The following MUS81 variants were observed in gnomAD, a reference collection of about 807,000 sequenced individuals.
MUS81 encodes the protein MUS81 structure-specific endonuclease subunit.
Under a neutral mutation model 74.2 loss-of-function variants are expected in MUS81, and 69 were observed. The observed-to-expected ratio is 0.93, with a 90% CI of 0.77 to 1.14. The LOEUF is 1.14. Ranked by LOEUF, MUS81 falls within the 50% of genes most tolerant of loss-of-function variation. The pLI, the probability that MUS81 is intolerant of heterozygous loss-of-function variation, is 0.00. For missense variants in MUS81, 711 were observed against 726.5 expected, an observed-to-expected ratio of 0.98 and a Z score of 0.25; for synonymous variants, 303 against 300.6, an observed-to-expected ratio of 1.01 and a Z score of -0.08.
chr11:65,865,539 T>C, intron 14 of MUS81: 2 of 630,034 alleles, frequency 3.2e-6, no homozygotes, highest in South Asian at 2.0e-5. Flanking sequence ...GAGGGAGACG[T>C]CCCACCTGGT....
Position 65,862,736 on chromosome 11 carries a change from G to A in MUS81, c.605+207G>A, listed in dbSNP as rs1859659322. On this transcript the variant is annotated intron_variant, in intron 6 of 15. Transcript: ENST00000308110. ...GCGGTGGTTATTGGAGGAGGAGAAAGCCTTTTCAGAGGAGATAGCATTTGA... is the reference window on the plus strand; with the variant it reads ...GCGGTGGTTATTGGAGGAGGAGAAAACCTTTTCAGAGGAGATAGCATTTGA... 2.6e-5 allele frequency among the ~76,000 whole-genome samples: 4 copies of A among 152,210 alleles called. No individual in the cohort carries two copies. In the South Asian group the frequency reaches 8.3e-4, roughly 32 times the overall value.
Position 65,861,659 on chromosome 11 carries a change from A to C in MUS81, c.351+224A>C, listed in dbSNP as rs182403383. On this transcript the variant is annotated intron_variant, in intron 3 of 15. Transcript: ENST00000308110. Reference sequence around the variant, plus strand: ...TCAAGCTACTTAAGGATCCCAGCTCAGTTAGTTACGGGGTCACCATTATTG... The same window carrying C: ...TCAAGCTACTTAAGGATCCCAGCTCCGTTAGTTACGGGGTCACCATTATTG... 1,728 of 603,756 alleles carry C rather than the reference A, an allele frequency of 2.9e-3. 4 individuals are homozygous for C. The highest frequency in any genetic ancestry group is 4.3e-3 in the Non-Finnish European group (1,479 of 341,086). The allele number at this position is 603,756 out of a possible 1,614,324, so 37.4% of individuals were successfully genotyped here.
chr11:65,865,350 C>T, intron 14 of MUS81, 27 bp downstream of exon 14: 4 of 1,596,956 alleles, frequency 2.5e-6, no homozygotes, highest in African/African-American at 1.3e-5. Context: ...CCTTAGGTGT[C>T]CTCAGCCCCT....
chr11:65,864,972 T>C (rs773422492), intron 12 of MUS81, 45 bp from the exon 13 acceptor site: 62 of 1,607,640 alleles, frequency 3.9e-5, no homozygotes, highest in Non-Finnish European at 4.8e-5. Context: ...TGGCTGGAGT[T>C]GTTCCTTCGA....
chr11:65,864,333 A>G, intron 10 of MUS81, 164 bp from the exon 11 acceptor site: 1 of 649,142 alleles, frequency 1.5e-6, no homozygotes, highest in Non-Finnish European at 2.8e-6. Flanking sequence ...CAGCATGAGC[A>G]AAGCTGCGGA....
chr11:65,859,944 C>T (rs910203842), upstream of MUS81: 5 of 211,326 alleles, frequency 2.4e-5, no homozygotes, highest in Non-Finnish European at 4.1e-5. Flanking sequence ...GTGCCCATCT[C>T]AGGCCTCCCC....
downstream of MUS81, chr11:65,867,388 G>A: frequency 6.0e-6 from 3 of 504,096 alleles, no homozygotes; most frequent in South Asian, 4.3e-5. Flanking sequence ...GTGACCCAAA[G>A]TGAGCAGACT....
chr11:65,865,669 TG>T, intron 14 of MUS81, 141 bp from the exon 15 acceptor site: 1 of 864,800 alleles, frequency 1.2e-6, no homozygotes, highest in Non-Finnish European at 1.8e-6. Context: ...CCGGCTGGCA[TG>T]GGGCCTTGAG....
chr11:65,860,646 C>G lies in MUS81; in HGVS notation c.-108C>G, dbSNP rs1226582080. On this transcript the variant is annotated 5_prime_UTR_variant, in exon 1 of 16. Coordinates refer to ENST00000308110, the MANE Select transcript of MUS81 (RefSeq NM_025128.5). ...ATCTCAACGGTCCTGCCCTCGGTCT[C>G]CCTCTTCCCCCGCCCCGCCCTGGGC... is the stretch of plus-strand genomic sequence containing the variant. 6.8e-7 allele frequency: 1 copy of G among 1,475,224 alleles called. No homozygotes were observed. Among genetic ancestry groups the G allele is most frequent in the South Asian group, 1.2e-5 (1 of 82,112 alleles). The allele number at this position is 1,475,224 out of a possible 1,614,324, so 91.4% of individuals were successfully genotyped here.
rs371319164 is a variant in MUS81, at chr11:65,863,075, A to G, written c.616A>G (p.Thr206Ala). ...RTHQPARYSL[T>A]PEGLELAQKL... ...CCCTCTGCCTCCCAGGTACTCATTG[A>G]CCCCAGAGGGCCTGGAGCTGGCCCA... The change falls in exon 7 of 16, where the codon ACC (threonine) becomes GCC (alanine). Residue 206 changes from threonine (T) to alanine (A), a missense_variant. By Grantham distance (58) the Thr-to-Ala change is moderately conservative (BLOSUM62 0). Transcript: ENST00000308110. 79 of 1,613,838 alleles carry G rather than the reference A, an allele frequency of 4.9e-5. No homozygotes were observed. The highest frequency in any genetic ancestry group is 6.2e-5 in the Non-Finnish European group (73 of 1,179,988).
rs1015526851 is a variant in MUS81 at position 65,864,182 on chromosome 11, A to G, written c.1059+281A>G. 8.5e-6 allele frequency: 5 copies of G among 585,628 alleles called. No homozygotes were observed. In the Admixed American group the frequency reaches 1.2e-4, roughly 14 times the overall value. 36.3% of individuals were successfully genotyped at this position (585,628 alleles called of 1,614,324 possible). On this transcript the variant is annotated intron_variant, in intron 10 of 15. Transcript: ENST00000308110. ...TTGGATAAACAAGGCATAAACCTCC[A>G]GGAGTGGAAATACAGAGGCTGTACC... is the stretch of plus-strand genomic sequence containing the variant.
Position 65,863,060 on chromosome 11 carries a change from C to T in MUS81, c.606-5C>T, listed in dbSNP as rs1859672877. ...TAGAGCTGTGTTGTCCCCTCTGCCT[C>T]CCAGGTACTCATTGACCCCAGAGGG... On this transcript the variant is annotated splice_region_variant and splice_polypyrimidine_tract_variant and intron_variant, in intron 6 of 15. Transcript: ENST00000308110. 1 of 1,614,036 alleles carries T rather than the reference C, an allele frequency of 6.2e-7. No individual in the cohort carries two copies. The highest frequency in any genetic ancestry group is 1.1e-5 in the South Asian group (1 of 91,088).
At chr11:65,865,382 C>G (rs1172066257) in intron 14 of MUS81, 59 bp downstream of exon 14, 6 of 1,511,102 alleles carry the variant, frequency 4.0e-6, no homozygotes, top group South Asian at 2.4e-5. Flanking sequence ...ATGGAATTCA[C>G]CTTAATCCAT....
chr11:65,865,171 A>T (rs376160530), intron 13 of MUS81, 26 bp downstream of exon 13: 53 of 1,614,070 alleles, frequency 3.3e-5, no homozygotes, highest in Non-Finnish European at 2.8e-5. Flanking sequence ...AGCTTCTCAG[A>T]CATGGCCTGG....
chr11:65,863,085 G>T lies in MUS81; in HGVS notation c.626G>T (p.Gly209Val). The T allele has an allele frequency of 3.7e-6, 6 of 1,614,166 alleles. No homozygotes were observed. Among genetic ancestry groups the T allele is most frequent in the Non-Finnish European group, 5.1e-6 (6 of 1,180,036 alleles). Residue 209 changes from glycine (G) to valine (V), a missense_variant, in exon 7 of 16, where the codon GGC (glycine) becomes GTC (valine). Gly to Val is a moderately radical substitution (Grantham distance 109). Transcript: ENST00000308110. ...QPARYSLTPE[G>V]LELAQKLAES... ...CCCAGGTACTCATTGACCCCAGAGG[G>T]CCTGGAGCTGGCCCAGAAGTTGGCC...
chr11:65,864,518 C>T lies in MUS81; in HGVS notation c.1081C>T (p.Leu361=), dbSNP rs772680994. 1 of 1,614,186 alleles carries T rather than the reference C, an allele frequency of 6.2e-7. No individual in the cohort carries two copies. The highest frequency in any genetic ancestry group is 8.5e-7 in the Non-Finnish European group (1 of 1,180,024). The change falls in exon 11 of 16, where the codon CTG becomes TTG. Residue 361 remains leucine (L), a synonymous_variant. Transcript: ENST00000308110. ...EQKFRLKRCG[L]ERRVYLVEEH... ...CTAGTTCCGGCTGAAGCGCTGTGGT[C>T]TGGAGCGCCGGGTATACCTGGTGGA...
rs753579826 is a variant in MUS81, at chr11:65,861,091, G to C, written c.254G>C (p.Arg85Pro). ...RMLDERLQRHRTSGGDHAPDS... is the reference protein window; with the variant it reads ...RMLDERLQRHPTSGGDHAPDS... ...CTGGACGAGCGGCTGCAGCGGCACC[G>C]AACATCGGGCGGTGAGCGCCTCGGA... Residue 85 changes from arginine (R) to proline (P), a missense_variant, in exon 2 of 16, where the codon CGA (arginine) becomes CCA (proline). By Grantham distance (103) the Arg-to-Pro change is moderately radical. Coordinates refer to ENST00000308110, the MANE Select transcript of MUS81 (RefSeq NM_025128.5). 2 of 1,612,488 alleles carry C rather than the reference G, an allele frequency of 1.2e-6. No homozygotes were observed. Among genetic ancestry groups the C allele is most frequent in the Non-Finnish European group, 1.7e-6 (2 of 1,179,970 alleles).
intron 5 of MUS81, 80 bp downstream of exon 5, chr11:65,862,359 T>G (rs1014292229): frequency 6.3e-7 from 1 of 1,575,680 alleles, no homozygotes; most frequent in Non-Finnish European, 8.7e-7. Flanking sequence ...AGTGGGCCCA[T>G]GTGTGGCCCA....
chr11:65,867,012 A>G (rs758608227), downstream of MUS81: 1 of 1,614,198 alleles, frequency 6.2e-7, no homozygotes, highest in Non-Finnish European at 8.5e-7. Flanking sequence ...CTCCAGGTCC[A>G]GCACGTACTC....
Sources: allele counts gnomAD v4.1 joint callset (sites outside exome capture counted in the v4.1 genomes callset), GRCh38; gene constraint gnomAD v4.1.1; transcripts MANE v1.5; gene names NCBI Gene and HGNC (gene_info 2026-07-23, HGNC 2026-07-21).